The following AMPD1 variants were observed in gnomAD, a reference collection of about 807,000 sequenced individuals.
AMPD1 encodes adenosine monophosphate deaminase 1, also known as AMP deaminase 1.
AMPD1 carries 74 observed loss-of-function variants against 82.9 expected under a neutral mutation model. That is an observed-to-expected ratio of 0.89 (90% CI 0.74 to 1.08). The LOEUF is 1.08. Among genes scored for constraint, AMPD1 ranks in the 50% least tolerant of loss-of-function variants. AMPD1 has a pLI of 0.00. For synonymous variants in AMPD1, 333 were observed against 320.5 expected (o/e 1.04, Z -0.42); for missense variants, 881 against 924.5 (o/e 0.95, Z 0.61).
intron 2 of AMPD1, among the ~76,000 whole-genome samples, chr1:114,692,753 A>AT (rs10611520): frequency 0.015 from 2,121 of 141,004 alleles, 22 homozygotes; most frequent in Middle Eastern, 0.05. Context: ...ATGAACAACA[A>AT]TTTTTTTTTT....
intron 3 of AMPD1, among the ~76,000 whole-genome samples, chr1:114,687,280 G>T (rs1041852195): frequency 1.2e-4 from 19 of 152,134 alleles, no homozygotes; most frequent in Non-Finnish European, 7.3e-5. Context: ...ATGGATAAAG[G>T]AGCTCCCATC....
intron 11 of AMPD1, 86 bp from the exon 12 acceptor site, chr1:114,675,779 G>C: frequency 6.2e-7 from 1 of 1,613,114 alleles, no homozygotes; most frequent in East Asian, 2.2e-5. Flanking sequence ...CAAAGGCACA[G>C]ACCAAACATA....
At chr1:114,695,429 C>T (rs760533973) in intron 1 of AMPD1, 21 bp downstream of exon 1, 4 of 1,613,144 alleles carry the variant, frequency 2.5e-6, no homozygotes, top group South Asian at 1.1e-5. Context: ...ACTGAGCTCT[C>T]CAAACACTTT....
At chr1:114,682,226 G>GA (rs956459774) in intron 5 of AMPD1, among the ~76,000 whole-genome samples, 17 of 151,560 alleles carry the variant, frequency 1.1e-4, no homozygotes, top group South Asian at 4.2e-4. Context: ...ATAGCATAGG[G>GA]AAAAAAAACA....
chr1:114,673,279 G>C lies in AMPD1; in HGVS notation c.2086-7C>G. ...CCAGAAACTTTACTTTCTCCTATAAGAGAAAAGGATGGCAGAATGATTGTT... is the reference window on the plus strand; with the variant it reads ...CCAGAAACTTTACTTTCTCCTATAACAGAAAAGGATGGCAGAATGATTGTT... On this transcript the variant is annotated splice_polypyrimidine_tract_variant and splice_region_variant and intron_variant, in intron 15 of 15. Transcript: ENST00000520113. The C allele has an allele frequency of 6.2e-7, 1 of 1,613,908 alleles. No homozygotes were observed. The highest frequency in any genetic ancestry group is 1.1e-5 in the South Asian group (1 of 91,058).
At chr1:114,693,374 A>G (rs1367630814) in intron 2 of AMPD1, 62 bp downstream of exon 2, 21 of 1,502,978 alleles carry the variant, frequency 1.4e-5, no homozygotes. Flanking sequence ...GAATTAAGGA[A>G]TAGTATCATT....
In AMPD1 at chr1:114,688,592, C is replaced by T; in HGVS notation, c.184G>A (p.Glu62Lys). The T allele has an allele frequency of 6.2e-7, 1 of 1,614,146 alleles. No homozygotes were observed. The highest frequency in any genetic ancestry group is 1.1e-5 in the South Asian group (1 of 91,086). The change falls in exon 3 of 16, where the codon GAG (glutamate) becomes AAG (lysine). Residue 62 changes from glutamate to lysine, a missense_variant. By Grantham distance (56) the Glu-to-Lys change is moderately conservative. Around this residue, in one of 2 missense-constraint regions of AMPD1, gnomAD observed 783 missense variants for 786.4 expected, o/e 1.00. Coordinates refer to ENST00000520113, the MANE Select transcript of AMPD1 (RefSeq NM_000036.3). Reference protein sequence around the residue: ...HEMQAHIFHLETLSTSTEARR... With the variant: ...HEMQAHIFHLKTLSTSTEARR... ...GCTTCTGTGGAGGTGGACAGAGTCT[C>T]CAGATGGAATATGTGTGCTTGCATC...
In AMPD1 at chr1:114,688,775, C is replaced by T. The variant is rs145067058; in HGVS notation, c.35-34G>A. On this transcript the variant is annotated intron_variant, in intron 2 of 15. Transcript: ENST00000520113. Reference sequence around the variant, plus strand: ...GGTTTTCACATATTAGTGTTCAAGCCCCTTTTCAAAAGTCAGCTGAGAGTT... The same window carrying T: ...GGTTTTCACATATTAGTGTTCAAGCTCCTTTTCAAAAGTCAGCTGAGAGTT... 1.5e-4 allele frequency: 238 copies of T among 1,613,012 alleles called. 2 individuals are homozygous for T. In the African/African-American group the frequency reaches 2.7e-3, roughly 19 times the overall value.
At position 114,686,774 on chromosome 1, in the gene AMPD1, C is replaced by G. The variant is rs751007995; in HGVS notation, c.352G>C (p.Val118Leu). ...TYQTVPDFQR[V>L]QITGDYASGV... ...GAGGCATAGTCACCAGTAATCTGCA[C>G]TCTCTGAAAATCAGGCACGGTCTGG... Residue 118 changes from valine to leucine, a missense_variant, in exon 4 of 16, where the codon GTG becomes CTG. Physicochemically the swap from Val to Leu is conservative, Grantham distance 32. Transcript: ENST00000520113. The G allele has an allele frequency of 1.9e-6, 3 of 1,614,130 alleles. No individual in the cohort carries two copies. Among genetic ancestry groups the G allele is most frequent in the Non-Finnish European group, 2.5e-6 (3 of 1,179,990 alleles).
At chr1:114,693,508 C>T (rs927637581) in intron 1 of AMPD1, 61 bp from the exon 2 acceptor site, 1 of 1,431,352 alleles carries the variant, frequency 7.0e-7, no homozygotes, top group Non-Finnish European at 9.9e-7. Context: ...ATCATGGTGG[C>T]TATTAATCAC....
Position 114,688,701 on chromosome 1 carries a change from A to G in AMPD1, c.75T>C (p.Phe25=), listed in dbSNP as rs1188022818. ...CTCCTTCATCTTTGACTTCAGAGGC[A>G]AACACTTTTTCAGCAAAGTTGCGCA... is the stretch of plus-strand genomic sequence containing the variant. ...DAMRNFAEKV[F]ASEVKDEGGR... Residue 25 remains phenylalanine (F), a synonymous_variant, in exon 3 of 16, where the codon TTT becomes TTC. Transcript: ENST00000520113. 3.1e-6 allele frequency: 5 copies of G among 1,614,228 alleles called. No homozygotes were observed. The East Asian group carries it at 1.1e-4, about 36-fold the overall frequency.
chr1:114,688,892 C>A, intron 2 of AMPD1, 151 bp from the exon 3 acceptor site: 1 of 863,112 alleles, frequency 1.2e-6, no homozygotes, highest in Non-Finnish European at 2.0e-6. Flanking sequence ...TCAGTGCCTG[C>A]TCTCCTTTTA....
intron 13 of AMPD1, among the ~76,000 whole-genome samples, 191 bp downstream of exon 13, chr1:114,674,561 T>A (rs1657925066): frequency 6.6e-6 from 1 of 152,226 alleles, no homozygotes; most frequent in Non-Finnish European, 1.5e-5. Flanking sequence ...TGACAGCAAC[T>A]AGCAAGGTAA....
Position 114,677,973 on chromosome 1 carries a change from T to G in AMPD1, c.1161A>C (p.Leu387=). The change falls in exon 9 of 16, where the codon CTA becomes CTC. Residue 387 remains leucine (L), a synonymous_variant. Coordinates refer to ENST00000520113, the MANE Select transcript of AMPD1 (RefSeq NM_000036.3). ...DKYNPVGASE[L]RDLYLKTDNY... is the part of the protein sequence containing the mutation. ...TGTCTGTCTTCAAGTAGAGGTCCCG[T>G]AGCTCACTTGCTCCTACAGGATTAT... The G allele has an allele frequency of 6.2e-7, 1 of 1,613,988 alleles. No individual in the cohort carries two copies. The highest frequency in any genetic ancestry group is 8.5e-7 in the Non-Finnish European group (1 of 1,179,924).
At chr1:114,679,798 T>G (rs2101716108) in intron 6 of AMPD1, 90 bp from the exon 7 acceptor site, 3 of 1,460,898 alleles carry the variant, frequency 2.1e-6, no homozygotes, top group Middle Eastern at 1.9e-4. Flanking sequence ...CCTTTATCAT[T>G]CATAGGAAAT....
At chr1:114,688,513 C>A (rs562035488) in intron 3 of AMPD1, 48 bp downstream of exon 3, 1 of 1,593,150 alleles carries the variant, frequency 6.3e-7, no homozygotes, top group African/African-American at 1.3e-5. Context: ...CTGGCAGATA[C>A]CCCTCCTTAG....
At position 114,675,916 on chromosome 1, in the gene AMPD1, G is replaced by T. The variant is rs1570838359; in HGVS notation, c.1476C>A (p.Asn492Lys). ...CACTGAGTTCTGGGTCAGCCTGGGG[G>T]TTGATGGTGGCCTCAAACACTGGCA... The part of the protein sequence containing the change: ...IFMPVFEATI[N>K]PQADPELSVF... Residue 492 changes from asparagine (N) to lysine (K), a missense_variant, in exon 11 of 16, where the codon AAC becomes AAA. Around this residue, in one of 2 missense-constraint regions of AMPD1, gnomAD observed 783 missense variants for 786.4 expected, o/e 1.00. Coordinates refer to ENST00000520113, the MANE Select transcript of AMPD1 (RefSeq NM_000036.3). 1 of 1,614,190 alleles carries T rather than the reference G, an allele frequency of 6.2e-7. No homozygotes were observed. The highest frequency in any genetic ancestry group is 2.2e-5 in the East Asian group (1 of 44,882).
intron 4 of AMPD1, 93 bp from the exon 5 acceptor site, chr1:114,684,457 T>C: frequency 3.0e-6 from 4 of 1,345,736 alleles, no homozygotes; most frequent in Non-Finnish European, 4.2e-6. Flanking sequence ...CCAGCTCTCC[T>C]GTGTATCGCA....
At chr1:114,684,503 C>T (rs1658256614) in intron 4 of AMPD1, 139 bp from the exon 5 acceptor site, 1 of 859,966 alleles carries the variant, frequency 1.2e-6, no homozygotes, top group Non-Finnish European at 1.9e-6. Context: ...CTGGCTGCTT[C>T]TTAATTGACT....
Sources: allele counts gnomAD v4.1 joint callset (sites outside exome capture counted in the v4.1 genomes callset), GRCh38; gene constraint gnomAD v4.1.1; regional missense constraint gnomAD v4.1.1; transcripts MANE v1.5; gene names NCBI Gene and HGNC (gene_info 2026-07-23, HGNC 2026-07-21).